EYS: variants seen among roughly 807,000 people sequenced by gnomAD.
EYS encodes EGF-like photoreceptor maintenance factor, also known as protein eyes shut homolog.
EYS carries 250 observed loss-of-function variants against 282.1 expected under a neutral mutation model. That is an observed-to-expected ratio of 0.89 (90% CI 0.80 to 0.98). The LOEUF (loss-of-function observed/expected upper bound fraction) is 0.98, where lower values mean the gene tolerates loss of function less well. Ranked by LOEUF, EYS falls within the 50% of genes least tolerant of loss-of-function variation. The pLI is 0.00. For missense variants in EYS, 4,016 were observed against 3,709.0 expected (o/e 1.08, Z -2.15); for synonymous variants, 1,355 against 1,282.9 (o/e 1.06, Z -1.20).
chr6:63,887,314 GTTTTTTTTTT>G (rs35622877), intron 35 of EYS, among the ~76,000 whole-genome samples: 1 of 120,236 alleles, frequency 8.3e-6, no homozygotes, highest in Admixed American at 8.6e-5. Context: ...AATAAAAGGT[GTTTTTTTTTT>G]TTTTTTTTGT....
intron 13 of EYS, among the ~76,000 whole-genome samples, chr6:65,035,347 C>G (rs1772734412): frequency 6.6e-6 from 1 of 151,996 alleles, no homozygotes; most frequent in African/African-American, 2.4e-5. Context: ...AAGTCCTAGT[C>G]AGAGCAATCA....
At chr6:65,282,540 A>G (rs1340060087) in intron 12 of EYS, among the ~76,000 whole-genome samples, 19 of 152,040 alleles carry the variant, frequency 1.2e-4, no homozygotes, top group Non-Finnish European at 2.7e-4. Flanking sequence ...ATTGTGTGCA[A>G]TGCTGATTTT....
At chr6:65,220,276 G>A (rs575172043) in intron 12 of EYS, among the ~76,000 whole-genome samples, 2 of 151,990 alleles carry the variant, frequency 1.3e-5, no homozygotes, top group Non-Finnish European at 2.9e-5. Flanking sequence ...TCTTCATTAG[G>A]TACATTTTTA....
At chr6:64,788,081 T>G (rs1277625229) in intron 22 of EYS, among the ~76,000 whole-genome samples, 1 of 152,132 alleles carries the variant, frequency 6.6e-6, no homozygotes, top group African/African-American at 2.4e-5. Context: ...TGTTTGTTTG[T>G]TTTAAGTGTT....
intron 1 of EYS, among the ~76,000 whole-genome samples, chr6:65,666,090 G>A (rs1456553534): frequency 1.3e-5 from 2 of 151,204 alleles, no homozygotes; most frequent in Admixed American, 1.3e-4. Context: ...TTTTACATTG[G>A]GTGGTAATTT....
intron 22 of EYS, among the ~76,000 whole-genome samples, chr6:64,719,965 C>T (rs1328964668): frequency 2.0e-5 from 3 of 152,088 alleles, no homozygotes; most frequent in Non-Finnish European, 4.4e-5. Context: ...AAGGTTTAAA[C>T]CTATATGTTA....
chr6:64,931,906 T>C (rs554145647), intron 15 of EYS, among the ~76,000 whole-genome samples: 66 of 152,228 alleles, frequency 4.3e-4, no homozygotes, highest in Middle Eastern at 6.8e-3. Flanking sequence ...TTTATTCTCC[T>C]TCTCCCCAAT....
intron 1 of EYS, among the ~76,000 whole-genome samples, chr6:65,674,995 G>A (rs1768527575): frequency 6.6e-6 from 1 of 151,836 alleles, no homozygotes; most frequent in African/African-American, 2.4e-5. Flanking sequence ...AAGTAAATAT[G>A]TAAAGTTTTT....
chr6:64,802,180 C>CCCA (rs780314782), intron 22 of EYS, among the ~76,000 whole-genome samples: 2 of 151,106 alleles, frequency 1.3e-5, no homozygotes, highest in Admixed American at 6.6e-5. Context: ...ACTACAGGCG[C>CCCA]CCACCACCAT....
At chr6:64,821,624 G>T (rs1483313401) in intron 21 of EYS, 21 bp downstream of exon 21, 1 of 1,300,598 alleles carries the variant, frequency 7.7e-7, no homozygotes, top group Non-Finnish European at 1.1e-6. Context: ...CATATAACTT[G>T]AATAAAATTA....
chr6:65,695,938 T>G (rs1192431308), intron 1 of EYS, among the ~76,000 whole-genome samples: 1 of 152,000 alleles, frequency 6.6e-6, no homozygotes, highest in African/African-American at 2.4e-5. Context: ...AACTTGAGCA[T>G]TTTACTCAAA....
chr6:65,437,935 C>T (rs1394617262), intron 5 of EYS, among the ~76,000 whole-genome samples: 1 of 151,852 alleles, frequency 6.6e-6, no homozygotes, highest in African/African-American at 2.4e-5. Context: ...TAAACATGTG[C>T]CATGTTGGTG....
intron 1 of EYS, among the ~76,000 whole-genome samples, chr6:65,698,944 A>G (rs1414857692): frequency 6.6e-6 from 1 of 152,218 alleles, no homozygotes; most frequent in East Asian, 1.9e-4. Flanking sequence ...CTAAACTGAT[A>G]CAACATAATG....
At chr6:64,312,115 G>A (rs747341380) in intron 29 of EYS, among the ~76,000 whole-genome samples, 1 of 151,920 alleles carries the variant, frequency 6.6e-6, no homozygotes, top group African/African-American at 2.4e-5. Context: ...AGCCCAACAA[G>A]CTAAGATCCA....
intron 14 of EYS, among the ~76,000 whole-genome samples, chr6:64,959,222 C>A (rs1769829693): frequency 6.6e-6 from 1 of 152,102 alleles, no homozygotes; most frequent in South Asian, 2.1e-4. Context: ...TGTTGGAATT[C>A]CATAATTCCT....
At chr6:65,132,384 C>G (rs986441121) in intron 12 of EYS, among the ~76,000 whole-genome samples, 9 of 151,976 alleles carry the variant, frequency 5.9e-5, no homozygotes, top group Admixed American at 5.9e-4. Context: ...GGCTTCATCT[C>G]TGGGATGCAA....
intron 29 of EYS, among the ~76,000 whole-genome samples, chr6:64,363,633 C>T (rs1772095550): frequency 6.6e-6 from 1 of 151,898 alleles, no homozygotes; most frequent in Admixed American, 6.6e-5. Context: ...TGGCTCTGAA[C>T]ATGTCGTCAA....
At chr6:65,141,327 T>C (rs1295832547) in intron 12 of EYS, among the ~76,000 whole-genome samples, 2 of 151,830 alleles carry the variant, frequency 1.3e-5, no homozygotes, top group Admixed American at 1.3e-4. Context: ...GAACATCACA[T>C]TCTGGGGACT....
At chr6:65,071,884 C>T (rs1773911738) in intron 12 of EYS, among the ~76,000 whole-genome samples, 1 of 151,828 alleles carries the variant, frequency 6.6e-6, no homozygotes, top group Non-Finnish European at 1.5e-5. Context: ...CACTCTACTA[C>T]ATAGATTAAT....
Sources: allele counts gnomAD v4.1 joint callset (sites outside exome capture counted in the v4.1 genomes callset), GRCh38; gene constraint gnomAD v4.1.1; transcripts MANE v1.5; gene names NCBI Gene and HGNC (gene_info 2026-07-23, HGNC 2026-07-21).